Variants in ITPKB observed in about 807,000 individuals in gnomAD.
ITPKB encodes the protein inositol-trisphosphate 3-kinase B, also known as IP3 3-kinase B.
ITPKB carries 13 observed loss-of-function variants against 69.4 expected under a neutral mutation model. The ratio of observed to expected loss-of-function variants is 0.19; its 90% CI spans 0.12 to 0.30. ITPKB has a LOEUF of 0.30. ITPKB is among the 10% of genes least tolerant of loss of function. The pLI is 1.00. For synonymous variants in ITPKB, 584 were observed against 513.7 expected (o/e 1.14, Z -1.85); for missense variants, 1,240 against 1,250.5 (o/e 0.99, Z 0.13).
At chr1:226,665,293 A>C (rs1328670158) in intron 2 of ITPKB, among the ~76,000 whole-genome samples, 2 of 152,152 alleles carry the variant, frequency 1.3e-5, no homozygotes, top group Non-Finnish European at 2.9e-5. Flanking sequence ...TTTAGAGACA[A>C]AGGGGAAAGT....
intron 2 of ITPKB, among the ~76,000 whole-genome samples, chr1:226,719,705 A>C (rs192772312): frequency 1.2e-4 from 18 of 152,372 alleles, no homozygotes; most frequent in African/African-American, 3.8e-4. Context: ...CAGGCCGTGC[A>C]GCTCCAGGCT....
chr1:226,688,617 G>A (rs1656271837), intron 2 of ITPKB, among the ~76,000 whole-genome samples: 1 of 152,246 alleles, frequency 6.6e-6, no homozygotes, highest in African/African-American at 2.4e-5. Context: ...GGGCTGCCCA[G>A]ACCACAGAGC....
intron 2 of ITPKB, among the ~76,000 whole-genome samples, chr1:226,713,306 C>G (rs1657018647): frequency 6.6e-6 from 1 of 152,200 alleles, no homozygotes; most frequent in Non-Finnish European, 1.5e-5. Flanking sequence ...CCCTGGCTTC[C>G]TACACACCAT....
At chr1:226,731,909 G>A (rs751171636) in intron 2 of ITPKB, among the ~76,000 whole-genome samples, 1 of 151,994 alleles carries the variant, frequency 6.6e-6, no homozygotes, top group Non-Finnish European at 1.5e-5. Flanking sequence ...CCACTTAAAA[G>A]TATTCACCAA....
intron 2 of ITPKB, among the ~76,000 whole-genome samples, chr1:226,698,887 T>C (rs1315849712): frequency 6.6e-6 from 1 of 152,210 alleles, no homozygotes; most frequent in Non-Finnish European, 1.5e-5. Flanking sequence ...GTTGCACCTA[T>C]TTGCTTAAAA....
In ITPKB at chr1:226,736,744, C is replaced by T; in HGVS notation, c.715G>A (p.Gly239Ser). The T allele has an allele frequency of 1.6e-5, 26 of 1,612,764 alleles. No homozygotes were observed. Among genetic ancestry groups the T allele is most frequent in the Non-Finnish European group, 2.2e-5 (26 of 1,179,782 alleles). Reference sequence around the variant, plus strand: ...TCTGATCCTGTAGGGGCAGCCCGGCCGGGAAGAGGTGGCATTCCTTTCTTC... The same window carrying T: ...TCTGATCCTGTAGGGGCAGCCCGGCTGGGAAGAGGTGGCATTCCTTTCTTC... ...QVKKGMPPLP[G>S]RAAPTGSEAQ... The change falls in exon 2 of 8, where the codon GGC becomes AGC. Residue 239 changes from glycine to serine, a missense_variant. By Grantham distance (56) the Gly-to-Ser change is moderately conservative (BLOSUM62 0). Transcript: ENST00000429204.
chr1:226,642,616 C>T lies in ITPKB; in HGVS notation c.2247-491G>A, dbSNP rs917443432. Among the ~76,000 whole-genome samples the T allele has an allele frequency of 3.9e-5, 6 of 152,088 alleles. No homozygotes were observed. The highest frequency in any genetic ancestry group is 1.2e-4 in the African/African-American group (5 of 41,410). ...ACAGGAACCAGCAGAAGAAGGAAGA[C>T]GGAGGCAGGGCAGCAGGGGGTGTCG... On this transcript the variant is annotated intron_variant, in intron 4 of 7. Transcript: ENST00000429204. The surrounding 1 kb of genome is among the most constrained non-coding windows in gnomAD (Gnocchi z 6.4).
intron 2 of ITPKB, among the ~76,000 whole-genome samples, chr1:226,720,579 A>G (rs1479614162): frequency 6.6e-6 from 1 of 152,202 alleles, no homozygotes; most frequent in African/African-American, 2.4e-5. Context: ...AAAATTACAT[A>G]AAGTATTTGA....
At chr1:226,680,488 G>A (rs895225208) in intron 2 of ITPKB, among the ~76,000 whole-genome samples, 9 of 152,196 alleles carry the variant, frequency 5.9e-5, no homozygotes, top group African/African-American at 1.7e-4. Flanking sequence ...GTCCTTTTCC[G>A]GGACCAGCTG....
chr1:226,639,737 A>G (rs1162803254), intron 5 of ITPKB, 79 bp from the exon 6 acceptor site: 2 of 935,932 alleles, frequency 2.1e-6, no homozygotes, highest in African/African-American at 1.6e-5. Context: ...ACCCAACACC[A>G]CAGAGCAGGC....
At chr1:226,698,048 T>C (rs1026138759) in intron 2 of ITPKB, among the ~76,000 whole-genome samples, 16 of 152,232 alleles carry the variant, frequency 1.1e-4, no homozygotes, top group African/African-American at 3.9e-4. Context: ...CAGCTTTGAA[T>C]CTGTCTGCCC....
intron 2 of ITPKB, among the ~76,000 whole-genome samples, chr1:226,730,363 T>C (rs535001791): frequency 1.3e-5 from 2 of 152,316 alleles, no homozygotes; most frequent in South Asian, 2.1e-4. Flanking sequence ...ACTTTTCAAA[T>C]TACCAAAGAG....
chr1:226,689,046 G>C (rs981307846), intron 2 of ITPKB, among the ~76,000 whole-genome samples: 1 of 152,186 alleles, frequency 6.6e-6, no homozygotes, highest in African/African-American at 2.4e-5. Flanking sequence ...TCTCCAAGGA[G>C]AGACGTTTAG....
chr1:226,711,601 A>G (rs1034713359), intron 2 of ITPKB, among the ~76,000 whole-genome samples: 1 of 152,110 alleles, frequency 6.6e-6, no homozygotes, highest in African/African-American at 2.4e-5. Flanking sequence ...GTTGTTTGAA[A>G]AAACTACCCA....
rs571109446 is a variant in ITPKB, at chr1:226,645,644, G to A, written c.2246+1523C>T. The stretch of plus-strand genomic sequence containing the variant: ...AGTCCTGCTGCTGTCTGGGTTGGAA[G>A]GAAGGGCTGGGCCTCCCCTGAGAGG... On this transcript the variant is annotated intron_variant, in intron 4 of 7. Transcript: ENST00000429204. Among the ~76,000 whole-genome samples the A allele has an allele frequency of 2.7e-3, 404 of 152,328 alleles. 2 individuals are homozygous for A. The highest frequency in any genetic ancestry group is 5.5e-3 in the Admixed American group (84 of 15,308).
chr1:226,663,786 G>A (rs942774806), intron 2 of ITPKB, among the ~76,000 whole-genome samples: 5 of 152,104 alleles, frequency 3.3e-5, no homozygotes, highest in Admixed American at 1.3e-4. Flanking sequence ...CACCCCCCAC[G>A]GCCTCTCAAA....
chr1:226,733,590 C>T (rs878970078), intron 2 of ITPKB, among the ~76,000 whole-genome samples: 2 of 151,910 alleles, frequency 1.3e-5, no homozygotes, highest in Admixed American at 6.6e-5. Context: ...ACACACACAC[C>T]CACCCCACTT....
chr1:226,671,271 G>A (rs1027776028), intron 2 of ITPKB, among the ~76,000 whole-genome samples: 3 of 152,194 alleles, frequency 2.0e-5, no homozygotes, highest in Non-Finnish European at 4.4e-5. Flanking sequence ...ACATGGGTAA[G>A]AACAGGATCA....
intron 2 of ITPKB, among the ~76,000 whole-genome samples, chr1:226,654,663 T>C (rs1177625374): frequency 1.3e-5 from 2 of 152,194 alleles, no homozygotes; most frequent in Admixed American, 6.5e-5. Flanking sequence ...CCAGTGGGGC[T>C]GCCTGGGGAG....
Sources: allele counts gnomAD v4.1 joint callset (sites outside exome capture counted in the v4.1 genomes callset), GRCh38; gene constraint gnomAD v4.1.1; non-coding constraint Gnocchi (gnomAD v3.1); transcripts MANE v1.5; gene names NCBI Gene and HGNC (gene_info 2026-07-23, HGNC 2026-07-21).